The following NEU3 variants were observed in gnomAD, a reference collection of about 807,000 sequenced individuals.
The protein encoded by NEU3 is sialidase-3.
A neutral mutation model predicts 11.4 loss-of-function variants in NEU3; 10 were observed. That is an observed-to-expected ratio of 0.88 (90% CI 0.54 to 1.49). The LOEUF is 1.49. Ranked by LOEUF, NEU3 falls within the 40% of genes most tolerant of loss-of-function variation. NEU3 has a pLI of 0.00. For synonymous variants in NEU3, 212 were observed against 228.2 expected (o/e 0.93, Z 0.64); for missense variants, 529 against 581.8 (o/e 0.91, Z 0.93).
In NEU3 at chr11:75,008,154, A is replaced by G. The variant is rs976678148; in HGVS notation, c.*1662A>G. ...AAATATTTCTTGAGTGCCTAATACAAGGTACTTTCTACTGCCATTCCTTGG... is the reference window on the plus strand; with the variant it reads ...AAATATTTCTTGAGTGCCTAATACAGGGTACTTTCTACTGCCATTCCTTGG... On this transcript the variant is annotated 3_prime_UTR_variant, in exon 3 of 3. Coordinates refer to ENST00000294064, the MANE Select transcript of NEU3 (RefSeq NM_006656.6). 17 of 152,230 alleles carry G rather than the reference A, an allele frequency of 1.1e-4. No individual in the cohort carries two copies. The highest frequency in any genetic ancestry group is 3.9e-4 in the African/African-American group (16 of 41,452). 9.4% of individuals were successfully genotyped at this position (152,230 alleles called of 1,614,324 possible). A position where few individuals can be genotyped will look rare whatever the true frequency, so the allele number is the denominator to read the frequency against.
intron 2 of NEU3, among the ~76,000 whole-genome samples, chr11:74,996,093 C>T (rs1193838098): frequency 6.6e-6 from 1 of 152,086 alleles, no homozygotes; most frequent in Non-Finnish European, 1.5e-5. Flanking sequence ...GTTCAAGGCT[C>T]CAGTGAGCTG....
At chr11:74,981,600 G>C in the NEU3 span, among the ~76,000 whole-genome samples, 2 of 152,128 alleles carry the variant, frequency 1.3e-5, no homozygotes, top group Non-Finnish European at 2.9e-5. Context: ...CATGTTGCTG[G>C]CTATACCATA....
upstream of NEU3, among the ~76,000 whole-genome samples, chr11:74,983,476 A>C (rs996281105): frequency 6.6e-6 from 1 of 152,228 alleles, no homozygotes; most frequent in African/African-American, 2.4e-5. Context: ...AAGGTGAAAT[A>C]TCCTGAGTAC....
chr11:74,982,372 T>G, the NEU3 span, among the ~76,000 whole-genome samples: 5 of 152,278 alleles, frequency 3.3e-5, no homozygotes, highest in East Asian at 9.7e-4. Flanking sequence ...GGTAGCTTAC[T>G]GCCAACAGAA....
chr11:74,998,268 G>A (rs2140242087), intron 2 of NEU3, among the ~76,000 whole-genome samples: 1 of 152,270 alleles, frequency 6.6e-6, no homozygotes, highest in South Asian at 2.1e-4. Context: ...TAATAATAAT[G>A]ACAATGTTTG....
At position 74,988,987 on chromosome 11, in the gene NEU3, G is replaced by T; in HGVS notation, c.-74G>T. On this transcript the variant is annotated 5_prime_UTR_variant, in exon 1 of 3. Coordinates refer to ENST00000294064, the MANE Select transcript of NEU3 (RefSeq NM_006656.6). Reference sequence around the variant, plus strand: ...TGTCTCCGTGTCCTCCGTCTCAGTTGTTTCTCCCTCTCTATCCTCCTCTGT... The same window carrying T: ...TGTCTCCGTGTCCTCCGTCTCAGTTTTTTCTCCCTCTCTATCCTCCTCTGT... 1 of 1,158,746 alleles carries T rather than the reference G, an allele frequency of 8.6e-7. No individual in the cohort carries two copies. Among genetic ancestry groups the T allele is most frequent in the East Asian group, 2.7e-5 (1 of 36,968 alleles). The allele number at this position is 1,158,746 out of a possible 1,614,324, so 71.8% of individuals were successfully genotyped here. A position where few individuals can be genotyped will look rare whatever the true frequency, so the allele number is the denominator to read the frequency against.
intron 2 of NEU3, among the ~76,000 whole-genome samples, chr11:74,997,088 A>T (rs1435136172): frequency 6.6e-6 from 1 of 151,302 alleles, no homozygotes; most frequent in East Asian, 2.0e-4. Flanking sequence ...CCGTCCTTTG[A>T]AGGTTTGAAG....
intron 3 of NEU3, chr11:75,018,657 A>G (rs1452863084): frequency 6.6e-6 from 1 of 152,236 alleles, no homozygotes; most frequent in East Asian, 1.9e-4. Context: ...TCCCCTTTGT[A>G]TATCTATCTA....
the NEU3 span, among the ~76,000 whole-genome samples, chr11:74,981,941 A>G: frequency 6.6e-6 from 1 of 152,290 alleles, no homozygotes; most frequent in African/African-American, 2.4e-5. Flanking sequence ...AAGGAGCAAG[A>G]GGTAGGATTG....
chr11:74,983,852 T>A (rs1401504359), upstream of NEU3, among the ~76,000 whole-genome samples: 6 of 152,172 alleles, frequency 3.9e-5, no homozygotes, highest in Non-Finnish European at 8.8e-5. Context: ...GAGTACAGGG[T>A]CAATACAGAA....
downstream of NEU3, among the ~76,000 whole-genome samples, chr11:75,011,590 G>C (rs1186291952): frequency 6.6e-6 from 1 of 152,202 alleles, no homozygotes; most frequent in Non-Finnish European, 1.5e-5. Flanking sequence ...AGGGAGCCAG[G>C]CAGAAACTGA....
rs373985198 is a variant in NEU3 at position 75,005,463 on chromosome 11, C to A, written c.357C>A (p.Thr119=). The change falls in exon 3 of 3, where the codon ACC becomes ACA. Residue 119 remains threonine (T), a synonymous_variant. Coordinates refer to ENST00000294064, the MANE Select transcript of NEU3 (RefSeq NM_006656.6). ...AAGCCACACTACCGGGGCATCGGACCATGAACCCCTGTCCTGTATGGGAGC... is the reference window on the plus strand; with the variant it reads ...AAGCCACACTACCGGGGCATCGGACAATGAACCCCTGTCCTGTATGGGAGC... The part of the protein sequence containing the change: ...LMEATLPGHR[T]MNPCPVWEQK... The A allele has an allele frequency of 2.9e-5, 47 of 1,613,742 alleles. No individual in the cohort carries two copies. The highest frequency in any genetic ancestry group is 2.0e-5 in the Non-Finnish European group (24 of 1,179,828).
At position 75,005,529 on chromosome 11, in the gene NEU3, G is replaced by A. The variant is rs771078641; in HGVS notation, c.423G>A (p.Arg141=). 6.2e-7 allele frequency: 1 copy of A among 1,613,974 alleles called. No homozygotes were observed. The highest frequency in any genetic ancestry group is 1.7e-5 in the Admixed American group (1 of 60,022). Reference sequence around the variant, plus strand: ...TGTTCCTGTTCTTCATCTGTGTGCGGGGCCATGTCACAGAGCGTCAACAGA... The same window carrying A: ...TGTTCCTGTTCTTCATCTGTGTGCGAGGCCATGTCACAGAGCGTCAACAGA... ...GCVFLFFICV[R]GHVTERQQIV... Residue 141 remains arginine, a synonymous_variant, in exon 3 of 3, where the codon CGG becomes CGA. Coordinates refer to ENST00000294064, the MANE Select transcript of NEU3 (RefSeq NM_006656.6).
upstream of NEU3, among the ~76,000 whole-genome samples, chr11:74,987,980 T>C (rs1265656725): frequency 6.7e-6 from 1 of 148,374 alleles, no homozygotes; most frequent in Non-Finnish European, 1.5e-5. Flanking sequence ...ACCCTCATCA[T>C]TTTGTGAGTT....
At chr11:75,012,924 G>A (rs115598737), downstream of NEU3, among the ~76,000 whole-genome samples, 399 of 152,310 alleles carry the variant, frequency 2.6e-3, 2 homozygotes, top group African/African-American at 9.2e-3. Flanking sequence ...GATCACCTTC[G>A]CTATGTTCTA....
chr11:74,988,593 C>G (rs1161213318), upstream of NEU3: 1 of 171,416 alleles, frequency 5.8e-6, no homozygotes, highest in East Asian at 1.8e-4. Flanking sequence ...GTAGGGTACC[C>G]TCTGAGGCCG....
downstream of NEU3, among the ~76,000 whole-genome samples, chr11:75,015,135 G>A (rs903709506): frequency 2.0e-4 from 31 of 152,236 alleles, no homozygotes; most frequent in Admixed American, 3.3e-4. Context: ...AAGAGGTGGG[G>A]TCTTTGGGAG....
At position 75,006,102 on chromosome 11, in the gene NEU3, C is replaced by T; in HGVS notation, c.996C>T (p.Ser332=). Residue 332 remains serine (S), a synonymous_variant, in exon 3 of 3, where the codon AGC becomes AGT. Coordinates refer to ENST00000294064, the MANE Select transcript of NEU3 (RefSeq NM_006656.6). Reference sequence around the variant, plus strand: ...TCCCACATAGGTGCCAGGACTCTAGCAGCAAAGATGCACCCACCATTCAGC... The same window carrying T: ...TCCCACATAGGTGCCAGGACTCTAGTAGCAAAGATGCACCCACCATTCAGC... The part of the protein sequence containing the change: ...LEIPHRCQDS[S]SKDAPTIQQS... 6.2e-7 allele frequency: 1 copy of T among 1,614,010 alleles called. No homozygotes were observed. Among genetic ancestry groups the T allele is most frequent in the Non-Finnish European group, 8.5e-7 (1 of 1,179,892 alleles).
At position 74,994,612 on chromosome 11, in the gene NEU3, C is replaced by A; in HGVS notation, c.198C>A (p.Pro66=). 1 of 1,613,970 alleles carries A rather than the reference C, an allele frequency of 6.2e-7. No homozygotes were observed. The highest frequency in any genetic ancestry group is 8.5e-7 in the Non-Finnish European group (1 of 1,179,866). ...GGATCCCAGCCCTGCTCTACATACC[C>A]CCCACCCACACCTTCCTGGCCTTTG... ...TYRIPALLYI[P]PTHTFLAFAE... Residue 66 remains proline, a synonymous_variant, in exon 2 of 3, where the codon CCC becomes CCA. Coordinates refer to ENST00000294064, the MANE Select transcript of NEU3 (RefSeq NM_006656.6).
Sources: gnomAD v4.1 joint callset for allele counts (sites outside exome capture counted in the v4.1 genomes callset) on GRCh38, gnomAD v4.1.1 for gene constraint, MANE v1.5 for transcripts, NCBI Gene and HGNC (gene_info 2026-07-23, HGNC 2026-07-21) for gene names.